IER5: variants seen among roughly 807,000 people sequenced by gnomAD.
The protein encoded by IER5 is immediate early response 5, also known as immediate early response gene 5 protein.
Under a neutral mutation model 8.2 loss-of-function variants are expected in IER5, and 3 were observed. The observed-to-expected ratio is 0.36, with a 90% CI of 0.17 to 0.94. The LOEUF is 0.94. IER5 is among the 40% of genes least tolerant of loss of function. The probability of loss-of-function intolerance (pLI) is 0.43; values close to 1 mark genes in which losing one functional copy is unlikely to be tolerated. For missense variants in IER5, 531 were observed against 494.3 expected, an observed-to-expected ratio of 1.07 and a Z score of -0.70; for synonymous variants, 286 against 230.1, an observed-to-expected ratio of 1.24 and a Z score of -2.20.
rs1304377965 is a variant in IER5 at position 181,091,170 on chromosome 1, G to A, written c.*1284G>A. The A allele has an allele frequency of 6.6e-6, 1 of 151,938 alleles. No individual in the cohort carries two copies. The highest frequency in any genetic ancestry group is 1.5e-5 in the Non-Finnish European group (1 of 68,006). 9.4% of individuals were successfully genotyped at this position (151,938 alleles called of 1,614,324 possible). A position where few individuals can be genotyped will look rare whatever the true frequency, so the allele number is the denominator to read the frequency against. On this transcript the variant is annotated 3_prime_UTR_variant, in exon 1 of 1. Transcript: ENST00000367577. ...CTAAGTAATTTAACCAACTTTTGAAGCCCCGCTTATCCACAAAAATGTTTT... is the reference window on the plus strand; with the variant it reads ...CTAAGTAATTTAACCAACTTTTGAAACCCCGCTTATCCACAAAAATGTTTT...
rs1311802673 is a variant in IER5 at position 181,092,151 on chromosome 1, CTGT to C, written c.*2270_*2272del. 6.6e-6 allele frequency: 1 copy of C among 151,926 alleles called. No individual in the cohort carries two copies. The highest frequency in any genetic ancestry group is 2.4e-5 in the African/African-American group (1 of 41,350). 9.4% of individuals were successfully genotyped at this position (151,926 alleles called of 1,614,324 possible). On this transcript the variant is annotated 3_prime_UTR_variant, in exon 1 of 1. Transcript: ENST00000367577. ...AGGGCCTTAATTCTGCAAACATTTC[CTGT>C]TGTTAGAAAGTATGATGCTTGAACA...
Position 181,092,247 on chromosome 1 carries a change from T to C in IER5, c.*2361T>C, listed in dbSNP as rs1659493201. On this transcript the variant is annotated 3_prime_UTR_variant, in exon 1 of 1. Coordinates refer to ENST00000367577, the MANE Select transcript of IER5 (RefSeq NM_016545.5). Reference sequence around the variant, plus strand: ...GTGTGTTTAAGAGAGCTGATGTGTTTTGGATGAGACTAAAGTTGATCCTTG... The same window carrying C: ...GTGTGTTTAAGAGAGCTGATGTGTTCTGGATGAGACTAAAGTTGATCCTTG... 6.6e-6 allele frequency: 1 copy of C among 151,792 alleles called. No individual in the cohort carries two copies. Among genetic ancestry groups the C allele is most frequent in the African/African-American group, 2.4e-5 (1 of 41,274 alleles). The allele number at this position is 151,792 out of a possible 1,614,324, so 9.4% of individuals were successfully genotyped here. A position where few individuals can be genotyped will look rare whatever the true frequency, so the allele number is the denominator to read the frequency against.
Position 181,090,250 on chromosome 1 carries a change from G to T in IER5, c.*364G>T. 1 of 281,088 alleles carries T rather than the reference G, an allele frequency of 3.6e-6. No individual in the cohort carries two copies. Among genetic ancestry groups the T allele is most frequent in the South Asian group, 4.1e-5 (1 of 24,526 alleles). 17.4% of individuals were successfully genotyped at this position (281,088 alleles called of 1,614,324 possible). ...CTGCCGGCTGCGTGGAGAAGGAAGCGGCTAAAAGGTTTGGGCCGGGGAGTT... is the reference window on the plus strand; with the variant it reads ...CTGCCGGCTGCGTGGAGAAGGAAGCTGCTAAAAGGTTTGGGCCGGGGAGTT... On this transcript the variant is annotated 3_prime_UTR_variant, in exon 1 of 1. Transcript: ENST00000367577.
rs1017148210 is a variant in IER5 at position 181,088,829 on chromosome 1, G to C, written c.-74G>C. Reference sequence around the variant, plus strand: ...GAGGGTGTGCCCAGGGGGCGGACTTGTTTGCGCCTCCCGTTCCCTCCCAAT... The same window carrying C: ...GAGGGTGTGCCCAGGGGGCGGACTTCTTTGCGCCTCCCGTTCCCTCCCAAT... On this transcript the variant is annotated 5_prime_UTR_variant, in exon 1 of 1. Transcript: ENST00000367577. 6.8e-7 allele frequency: 1 copy of C among 1,466,362 alleles called. No homozygotes were observed. The allele number at this position is 1,466,362 out of a possible 1,614,324, so 90.8% of individuals were successfully genotyped here. A position where few individuals can be genotyped will look rare whatever the true frequency, so the allele number is the denominator to read the frequency against.
At position 181,089,043 on chromosome 1, in the gene IER5, C is replaced by T. The variant is rs1659398388; in HGVS notation, c.141C>T (p.Tyr47=). The T allele has an allele frequency of 3.7e-6, 6 of 1,608,792 alleles. No homozygotes were observed. Among genetic ancestry groups the T allele is most frequent in the South Asian group, 1.1e-5 (1 of 90,602 alleles). Residue 47 remains tyrosine, a synonymous_variant, in exon 1 of 1, where the codon TAC becomes TAT. Transcript: ENST00000367577. ...TGCTGCGCAGCGCCCGCCAAGTCTA[C>T]CTGAGCGACCCGTGCCCCGGCCTCT... is the stretch of plus-strand genomic sequence containing the variant. ...SLVLRSARQV[Y]LSDPCPGLYL... is the part of the protein sequence containing the mutation.
In IER5 at chr1:181,091,819, C is replaced by A. The variant is rs932607715; in HGVS notation, c.*1933C>A. The stretch of plus-strand genomic sequence containing the variant: ...AAAGACAAAGGTTTAAAGGTCATAG[C>A]CTTCGAGCATAAGAGGCATATGAAT... On this transcript the variant is annotated 3_prime_UTR_variant, in exon 1 of 1. Transcript: ENST00000367577. The A allele has an allele frequency of 2.0e-5, 3 of 152,174 alleles. No homozygotes were observed. In the East Asian group the frequency reaches 5.8e-4, roughly 29 times the overall value. 9.4% of individuals were successfully genotyped at this position (152,174 alleles called of 1,614,324 possible).
Position 181,089,408 on chromosome 1 carries a change from C to T in IER5, c.506C>T (p.Ser169Phe), listed in dbSNP as rs572255544. 12 of 1,427,416 alleles carry T rather than the reference C, an allele frequency of 8.4e-6. No individual in the cohort carries two copies. The East Asian group carries it at 2.1e-4, about 25-fold the overall frequency. The allele number at this position is 1,427,416 out of a possible 1,614,324, so 88.4% of individuals were successfully genotyped here. A position where few individuals can be genotyped will look rare whatever the true frequency, so the allele number is the denominator to read the frequency against. Residue 169 changes from serine (S) to phenylalanine (F), a missense_variant, in exon 1 of 1, where the codon TCT (serine) becomes TTT (phenylalanine). Coordinates refer to ENST00000367577, the MANE Select transcript of IER5 (RefSeq NM_016545.5). ...AGGWGVFPEV[S>F]RAARRPCGCP... ...GGCTGGGGCGTCTTCCCCGAGGTAT[C>T]TCGTGCCGCGCGCCGCCCCTGCGGC...
Position 181,088,741 on chromosome 1 carries a change from GAGAGGTTAGT to G in IER5, c.-157_-148del, listed in dbSNP as rs1488447894. Reference sequence around the variant, plus strand: ...CGAAACGGGGAAGTTGTCTTGTTTGGAGAGGTTAGTAGAGCAGCGCGCGCGTCACCAGAGT... The same window carrying G: ...CGAAACGGGGAAGTTGTCTTGTTTGGAGAGCAGCGCGCGCGTCACCAGAGT... On this transcript the variant is annotated 5_prime_UTR_variant, in exon 1 of 1. Transcript: ENST00000367577. 1.7e-6 allele frequency: 1 copy of G among 574,546 alleles called. No individual in the cohort carries two copies. Among genetic ancestry groups the G allele is most frequent in the Non-Finnish European group, 2.9e-6 (1 of 342,852 alleles). 35.6% of individuals were successfully genotyped at this position (574,546 alleles called of 1,614,324 possible).
rs1045351230 is a variant in IER5 at position 181,089,466 on chromosome 1, A to G, written c.564A>G (p.Thr188=). The change falls in exon 1 of 1, where the codon ACA becomes ACG. Residue 188 remains threonine, a synonymous_variant. Transcript: ENST00000367577. Reference sequence around the variant, plus strand: ...TAGGCGGGGAGGACCCGCCGGGTACACCGGCCGCGACCCCCCGCGCTGCCT... The same window carrying G: ...TAGGCGGGGAGGACCCGCCGGGTACGCCGGCCGCGACCCCCCGCGCTGCCT... ...CPLGGEDPPG[T]PAATPRAACC... 3 of 1,349,058 alleles carry G rather than the reference A, an allele frequency of 2.2e-6. No homozygotes were observed. Among genetic ancestry groups the G allele is most frequent in the East Asian group, 3.1e-5 (1 of 31,964 alleles). 83.6% of individuals were successfully genotyped at this position (1,349,058 alleles called of 1,614,324 possible).
At position 181,089,815 on chromosome 1, in the gene IER5, G is replaced by A. The variant is rs1415992995; in HGVS notation, c.913G>A (p.Gly305Arg). The change falls in exon 1 of 1, where the codon GGG (glycine) becomes AGG (arginine). Residue 305 changes from glycine to arginine, a missense_variant. By Grantham distance (125) the Gly-to-Arg change is moderately radical. Transcript: ENST00000367577. The stretch of plus-strand genomic sequence containing the variant: ...GAGCGGTCCGGAAGCCGCCGAGCCC[G>A]GGCAGATCTGCTGCGATAAGCCGGT... Reference protein sequence around the residue: ...EESGPEAAEPGQICCDKPVLR... With the variant: ...EESGPEAAEPRQICCDKPVLR... The A allele has an allele frequency of 3.7e-6, 6 of 1,613,636 alleles. No homozygotes were observed. The highest frequency in any genetic ancestry group is 5.1e-6 in the Non-Finnish European group (6 of 1,179,934).
chr1:181,088,783 T>G lies in IER5; in HGVS notation c.-120T>G. On this transcript the variant is annotated 5_prime_UTR_variant, in exon 1 of 1. Transcript: ENST00000367577. ...GCGCGCGCGTCACCAGAGTCGTTTC[T>G]CTTCGGAGTCTTAGGTGATCGAGGG... 3 of 674,274 alleles carry G rather than the reference T, an allele frequency of 4.4e-6. No homozygotes were observed. The highest frequency in any genetic ancestry group is 7.2e-6 in the Non-Finnish European group (3 of 417,396). 41.8% of individuals were successfully genotyped at this position (674,274 alleles called of 1,614,324 possible).
At position 181,089,053 on chromosome 1, in the gene IER5, C is replaced by G. The variant is rs1443295346; in HGVS notation, c.151C>G (p.Pro51Ala). 17 of 1,605,510 alleles carry G rather than the reference C, an allele frequency of 1.1e-5. No homozygotes were observed. The highest frequency in any genetic ancestry group is 1.4e-5 in the Non-Finnish European group (16 of 1,176,898). The change falls in exon 1 of 1, where the codon CCG (proline) becomes GCG (alanine). Residue 51 changes from proline (P) to alanine (A), a missense_variant. By Grantham distance (27) the Pro-to-Ala change is conservative. Coordinates refer to ENST00000367577, the MANE Select transcript of IER5 (RefSeq NM_016545.5). ...CGCCCGCCAAGTCTACCTGAGCGAC[C>G]CGTGCCCCGGCCTCTACCTGGCCGG... ...RSARQVYLSD[P>A]CPGLYLAGPA...
At position 181,089,417 on chromosome 1, in the gene IER5, C is replaced by T; in HGVS notation, c.515C>T (p.Ala172Val). ...WGVFPEVSRA[A>V]RRPCGCPLGG... ...GTCTTCCCCGAGGTATCTCGTGCCG[C>T]GCGCCGCCCCTGCGGCTGCCCCCTA... The change falls in exon 1 of 1, where the codon GCG (alanine) becomes GTG (valine). Residue 172 changes from alanine to valine, a missense_variant. Physicochemically the swap from Ala to Val is moderately conservative, Grantham distance 64. Coordinates refer to ENST00000367577, the MANE Select transcript of IER5 (RefSeq NM_016545.5). The T allele has an allele frequency of 1.4e-6, 2 of 1,410,688 alleles. No individual in the cohort carries two copies. The highest frequency in any genetic ancestry group is 1.9e-6 in the Non-Finnish European group (2 of 1,080,176). 87.4% of individuals were successfully genotyped at this position (1,410,688 alleles called of 1,614,324 possible). A position where few individuals can be genotyped will look rare whatever the true frequency, so the allele number is the denominator to read the frequency against.
In IER5 at chr1:181,089,899, C is replaced by G. The variant is rs763127563; in HGVS notation, c.*13C>G. The G allele has an allele frequency of 9.3e-6, 15 of 1,609,146 alleles. No individual in the cohort carries two copies. The highest frequency in any genetic ancestry group is 1.0e-5 in the Non-Finnish European group (12 of 1,178,978). ...CGTGGCCTTCTGAGCCCTTGGCCCC[C>G]CTGCGGGGAGGAGGTGGAGCAGCGG... On this transcript the variant is annotated 3_prime_UTR_variant, in exon 1 of 1. Transcript: ENST00000367577.
chr1:181,089,234 C>T lies in IER5; in HGVS notation c.332C>T (p.Pro111Leu), dbSNP rs372314263. Residue 111 changes from proline to leucine, a missense_variant, in exon 1 of 1, where the codon CCG (proline) becomes CTG (leucine). Pro to Leu is a moderately conservative substitution (Grantham distance 98). Coordinates refer to ENST00000367577, the MANE Select transcript of IER5 (RefSeq NM_016545.5). Reference sequence around the variant, plus strand: ...GAGCGCTCCTCCGTCTCAGACGCGCCGCGGGTAGGGGACGAGGTGCCGGTG... The same window carrying T: ...GAGCGCTCCTCCGTCTCAGACGCGCTGCGGGTAGGGGACGAGGTGCCGGTG... ...QPERSSVSDA[P>L]RVGDEVPVAT... is the part of the protein sequence containing the mutation. The T allele has an allele frequency of 6.5e-7, 1 of 1,547,896 alleles. No homozygotes were observed. The highest frequency in any genetic ancestry group is 1.9e-5 in the Admixed American group (1 of 52,014).
rs1659435425 is a variant in IER5, at chr1:181,090,109, TTGTGTATGTC to T, written c.*233_*242del. On this transcript the variant is annotated 3_prime_UTR_variant, in exon 1 of 1. Coordinates refer to ENST00000367577, the MANE Select transcript of IER5 (RefSeq NM_016545.5). ...AGAGGACGATCGTTAACTTTTGTGTTTGTGTATGTCTGTGTATGTAAGTTTGTCTTGTGGC... is the reference window on the plus strand; with the variant it reads ...AGAGGACGATCGTTAACTTTTGTGTTTGTGTATGTAAGTTTGTCTTGTGGC... 6 of 619,454 alleles carry T rather than the reference TTGTGTATGTC, an allele frequency of 9.7e-6. No individual in the cohort carries two copies. In the South Asian group the frequency reaches 1.3e-4, roughly 13 times the overall value. 38.4% of individuals were successfully genotyped at this position (619,454 alleles called of 1,614,324 possible).
At position 181,088,813 on chromosome 1, in the gene IER5, C is replaced by A; in HGVS notation, c.-90C>A. 1 of 911,500 alleles carries A rather than the reference C, an allele frequency of 1.1e-6. No homozygotes were observed. The highest frequency in any genetic ancestry group is 1.6e-6 in the Non-Finnish European group (1 of 613,428). 56.5% of individuals were successfully genotyped at this position (911,500 alleles called of 1,614,324 possible). ...GGAGTCTTAGGTGATCGAGGGTGTG[C>A]CCAGGGGGCGGACTTGTTTGCGCCT... On this transcript the variant is annotated 5_prime_UTR_variant, in exon 1 of 1. Coordinates refer to ENST00000367577, the MANE Select transcript of IER5 (RefSeq NM_016545.5).
chr1:181,089,465 CA>C lies in IER5; in HGVS notation c.564del (p.Pro189ArgfsTer58). ...CTAGGCGGGGAGGACCCGCCGGGTA[CA>C]CCGGCCGCGACCCCCCGCGCTGCCT... is the stretch of plus-strand genomic sequence containing the variant. Reference protein sequence around the residue: ...CPLGGEDPPGTPAATPRAACC... With the variant: ...CPLGGEDPPGXPAATPRAACC... On this transcript the variant is annotated frameshift_variant, in exon 1 of 1. Transcript: ENST00000367577. LOFTEE classifies it high-confidence loss of function. 1 of 1,355,820 alleles carries C rather than the reference CA, an allele frequency of 7.4e-7. No homozygotes were observed. Among genetic ancestry groups the C allele is most frequent in the Non-Finnish European group, 9.5e-7 (1 of 1,054,212 alleles). 84.0% of individuals were successfully genotyped at this position (1,355,820 alleles called of 1,614,324 possible).
chr1:181,089,823 C>T lies in IER5; in HGVS notation c.921C>T (p.Ile307=), dbSNP rs752788951. The change falls in exon 1 of 1, where the codon ATC becomes ATT. Residue 307 remains isoleucine, a synonymous_variant. Coordinates refer to ENST00000367577, the MANE Select transcript of IER5 (RefSeq NM_016545.5). Reference sequence around the variant, plus strand: ...CGGAAGCCGCCGAGCCCGGGCAGATCTGCTGCGATAAGCCGGTGCTGAGAG... The same window carrying T: ...CGGAAGCCGCCGAGCCCGGGCAGATTTGCTGCGATAAGCCGGTGCTGAGAG... The part of the protein sequence containing the change: ...SGPEAAEPGQ[I]CCDKPVLRDM... 8 of 1,613,802 alleles carry T rather than the reference C, an allele frequency of 5.0e-6. No individual in the cohort carries two copies. The highest frequency in any genetic ancestry group is 1.7e-4 in the Middle Eastern group (1 of 6,002).
Sources: allele counts gnomAD v4.1 joint callset, GRCh38; gene constraint gnomAD v4.1.1; transcripts MANE v1.5; gene names NCBI Gene and HGNC (gene_info 2026-07-23, HGNC 2026-07-21).